The following NELL2 variants were observed in gnomAD, a reference collection of about 807,000 sequenced individuals.
NELL2 encodes protein kinase C-binding protein NELL2.
In NELL2, 41 loss-of-function variants were observed where a neutral mutation model predicts 109.6. That is an observed-to-expected ratio of 0.37 (90% CI 0.29 to 0.49). The LOEUF is 0.49. NELL2 is among the 20% of genes least tolerant of loss of function. The probability of loss-of-function intolerance (pLI) is 0.98; values close to 1 mark genes in which losing one functional copy is unlikely to be tolerated. For synonymous variants in NELL2, 355 were observed against 344.7 expected (o/e 1.03, Z -0.33); for missense variants, 900 against 1,008.3 (o/e 0.89, Z 1.45).
intron 9 of NELL2, among the ~76,000 whole-genome samples, chr12:44,773,095 T>C (rs141006652): frequency 6.6e-6 from 1 of 152,346 alleles, no homozygotes; most frequent in East Asian, 1.9e-4. Context: ...AATCAACCTG[T>C]ATCTAATAAC....
At chr12:44,905,039 A>T (rs1202860449) in intron 1 of NELL2, among the ~76,000 whole-genome samples, 2 of 152,116 alleles carry the variant, frequency 1.3e-5, no homozygotes, top group Non-Finnish European at 2.9e-5. Flanking sequence ...TTATGAGATC[A>T]TAAAAAAAAC....
intron 2 of NELL2, among the ~76,000 whole-genome samples, chr12:44,818,022 C>T (rs1943410557): frequency 6.6e-6 from 1 of 152,086 alleles, no homozygotes; most frequent in South Asian, 2.1e-4. Flanking sequence ...CTCCTGTTGC[C>T]GAAAAGAAAC....
At chr12:44,827,415 T>TG (rs1175972470) in intron 2 of NELL2, among the ~76,000 whole-genome samples, 1 of 150,718 alleles carries the variant, frequency 6.6e-6, no homozygotes, top group Non-Finnish European at 1.5e-5. Flanking sequence ...CTAACTGTTT[T>TG]TTTTTTTTTT....
intron 1 of NELL2, among the ~76,000 whole-genome samples, chr12:44,902,731 G>A (rs1945675846): frequency 6.6e-6 from 1 of 151,978 alleles, no homozygotes; most frequent in South Asian, 2.1e-4. Context: ...CAGAACAGAG[G>A]CCTTAGAAAT....
chr12:44,707,341 C>A (rs2136427938), intron 11 of NELL2, among the ~76,000 whole-genome samples: 1 of 152,196 alleles, frequency 6.6e-6, no homozygotes, highest in East Asian at 1.9e-4. Flanking sequence ...ACTTGAATGG[C>A]ATAATGATAT....
intron 14 of NELL2, 60 bp downstream of exon 14, chr12:44,610,788 A>G: frequency 1.2e-6 from 2 of 1,605,112 alleles, no homozygotes; most frequent in African/African-American, 1.3e-5. Context: ...GGTGTAGAGG[A>G]AGGTAGAGAT....
chr12:44,569,909 G>C (rs561230761), intron 15 of NELL2, among the ~76,000 whole-genome samples: 5 of 152,172 alleles, frequency 3.3e-5, no homozygotes, highest in Admixed American at 3.3e-4. Context: ...GGATTTAAAG[G>C]CTAATTTCAA....
At chr12:44,884,590 A>T (rs1422977340) in intron 1 of NELL2, among the ~76,000 whole-genome samples, 1 of 152,046 alleles carries the variant, frequency 6.6e-6, no homozygotes, top group Non-Finnish European at 1.5e-5. Context: ...CATAACAGAA[A>T]ATAAAACTAG....
At chr12:44,706,057 T>G (rs1937859875) in intron 11 of NELL2, among the ~76,000 whole-genome samples, 1 of 152,188 alleles carries the variant, frequency 6.6e-6, no homozygotes, top group African/African-American at 2.4e-5. Flanking sequence ...TTAAACATCT[T>G]GCACACATAC....
At chr12:44,738,265 G>A (rs1446823353) in intron 9 of NELL2, among the ~76,000 whole-genome samples, 1 of 152,038 alleles carries the variant, frequency 6.6e-6, no homozygotes, top group Non-Finnish European at 1.5e-5. Context: ...GAATAAAAGT[G>A]TCATCAGAAC....
At chr12:44,633,509 TACAA>T (rs1431386768) in intron 13 of NELL2, among the ~76,000 whole-genome samples, 12 of 152,126 alleles carry the variant, frequency 7.9e-5, no homozygotes, top group Non-Finnish European at 5.9e-5. Context: ...GCTTAAAATA[TACAA>T]ACAAACATTT....
At chr12:44,888,805 T>A (rs182315614) in intron 1 of NELL2, among the ~76,000 whole-genome samples, 2 of 151,598 alleles carry the variant, frequency 1.3e-5, no homozygotes, top group African/African-American at 2.4e-5. Flanking sequence ...AAGAATGTTG[T>A]GTGAATGTGG....
intron 13 of NELL2, among the ~76,000 whole-genome samples, chr12:44,617,010 GA>G: frequency 6.6e-6 from 1 of 152,264 alleles, no homozygotes; most frequent in Non-Finnish European, 1.5e-5. Flanking sequence ...TGAGTTTAAA[GA>G]ATGTTCTATG....
chr12:44,888,381 G>GTTT lies in NELL2; in HGVS notation c.39-12484_39-12482dup, dbSNP rs61158046. On this transcript the variant is annotated intron_variant, in intron 1 of 20. Transcript: ENST00000333837. ...TAATTCTGTGATGAATGAACAGTTG[G>GTTT]TTTTTTTTTTTTTTTTGAAAGTTAA... is the stretch of plus-strand genomic sequence containing the variant. 6.9e-3 allele frequency among the ~76,000 whole-genome samples: 937 copies of GTTT among 136,506 alleles called. 8 individuals carry two copies. Among genetic ancestry groups the GTTT allele is most frequent in the Non-Finnish European group, 9.0e-3 (576 of 64,274 alleles). 89.6% of individuals were successfully genotyped at this position (136,506 alleles called of 152,430 possible). A position where few individuals can be genotyped will look rare whatever the true frequency, so the allele number is the denominator to read the frequency against.
At chr12:44,820,033 A>G (rs1042508264) in intron 2 of NELL2, among the ~76,000 whole-genome samples, 1 of 152,118 alleles carries the variant, frequency 6.6e-6, no homozygotes, top group Non-Finnish European at 1.5e-5. Flanking sequence ...CCAGAAGCCC[A>G]GGACACAGAT....
intron 1 of NELL2, among the ~76,000 whole-genome samples, chr12:44,910,839 T>C (rs1478490644): frequency 6.6e-6 from 1 of 151,832 alleles, no homozygotes; most frequent in African/African-American, 2.4e-5. Flanking sequence ...ATAATCCTTT[T>C]TTCTTTAAAA....
chr12:44,542,328 C>T (rs1453163733), intron 15 of NELL2, among the ~76,000 whole-genome samples: 6 of 145,186 alleles, frequency 4.1e-5, no homozygotes, highest in African/African-American at 1.5e-4. Context: ...TTCTCAATCT[C>T]TGAAAGTTTG....
chr12:44,652,923 T>C (rs1162414139), intron 13 of NELL2, among the ~76,000 whole-genome samples: 3 of 152,212 alleles, frequency 2.0e-5, no homozygotes, highest in Non-Finnish European at 4.4e-5. Flanking sequence ...TAAGGTTGCA[T>C]GTCTCTGACC....
chr12:44,910,045 G>C (rs1381933949), intron 1 of NELL2, among the ~76,000 whole-genome samples: 1 of 151,840 alleles, frequency 6.6e-6, no homozygotes, highest in Non-Finnish European at 1.5e-5. Flanking sequence ...AGAAACATAG[G>C]AAACACCATT....
Sources: gnomAD v4.1 joint callset for allele counts (sites outside exome capture counted in the v4.1 genomes callset) on GRCh38, gnomAD v4.1.1 for gene constraint, MANE v1.5 for transcripts, NCBI Gene and HGNC (gene_info 2026-07-23, HGNC 2026-07-21) for gene names.